TIGD3: variants seen among roughly 807,000 people sequenced by gnomAD.
The protein encoded by TIGD3 is tigger transposable element derived 3.
In TIGD3, 7 loss-of-function variants were observed where a neutral mutation model predicts 14.8. The ratio of observed to expected loss-of-function variants is 0.47; its 90% CI spans 0.27 to 0.89. The LOEUF is 0.89. Among genes scored for constraint, TIGD3 ranks in the 40% least tolerant of loss-of-function variants. The pLI is 0.13. For missense variants in TIGD3, 581 were observed against 611.0 expected, an observed-to-expected ratio of 0.95 and a Z score of 0.52; for synonymous variants, 243 against 269.4, an observed-to-expected ratio of 0.90 and a Z score of 0.96.
chr11:65,355,995 A>G lies in TIGD3; in HGVS notation c.187A>G (p.Thr63Ala), dbSNP rs1318395800. ...EKLLADWCSG[T>A]ANRERKRKRE... ...GCTGCTGGCGGACTGGTGCAGCGGC[A>G]CAGCCAACCGAGAGCGCAAGCGCAA... Residue 63 changes from threonine (T) to alanine (A), a missense_variant, in exon 2 of 2, where the codon ACA becomes GCA. Transcript: ENST00000309880. 3.7e-6 allele frequency: 6 copies of G among 1,613,664 alleles called. No homozygotes were observed. Among genetic ancestry groups the G allele is most frequent in the Non-Finnish European group, 4.2e-6 (5 of 1,180,042 alleles).
rs1449068574 is a variant in TIGD3, at chr11:65,355,952, CTGCAAGAATAAGGAGAAGCTGCTGGCGG to C, written c.145_172del (p.Cys49ThrfsTer40). On this transcript the variant is annotated frameshift_variant, in exon 2 of 2. Coordinates refer to ENST00000309880, the MANE Select transcript of TIGD3 (RefSeq NM_145719.3). LOFTEE classifies it high-confidence loss of function. Reference sequence around the variant, plus strand: ...TTTCCCAGCCCCAGATCTCGCGCATCTGCAAGAATAAGGAGAAGCTGCTGGCGGACTGGTGCAGCGGCACAGCCAACCG... The same window carrying C: ...TTTCCCAGCCCCAGATCTCGCGCATCACTGGTGCAGCGGCACAGCCAACCG... 6.2e-7 allele frequency: 1 copy of C among 1,613,956 alleles called. No homozygotes were observed.
chr11:65,356,155 A>G lies in TIGD3; in HGVS notation c.347A>G (p.Asp116Gly), dbSNP rs1006113239. 23 of 1,612,032 alleles carry G rather than the reference A, an allele frequency of 1.4e-5. No individual in the cohort carries two copies. The highest frequency in any genetic ancestry group is 1.9e-5 in the Non-Finnish European group (23 of 1,180,020). The change falls in exon 2 of 2, where the codon GAC becomes GGC. Residue 116 changes from aspartate to glycine, a missense_variant. Physicochemically the swap from Asp to Gly is moderately conservative, Grantham distance 94 (BLOSUM62 -1). Transcript: ENST00000309880. The surrounding 1 kb of genome is among the most constrained non-coding windows in gnomAD (Gnocchi z 5.2). ...AKELADIMGQDFVPSIGWLVR... is the reference protein window; with the variant it reads ...AKELADIMGQGFVPSIGWLVR... ...GAGCTGGCCGATATCATGGGCCAGG[A>G]CTTCGTGCCCAGCATCGGCTGGCTG...
rs756350364 is a variant in TIGD3, at chr11:65,355,841, C to T, written c.33C>T (p.Ala11=). The T allele has an allele frequency of 6.2e-7, 1 of 1,613,494 alleles. No individual in the cohort carries two copies. The change falls in exon 2 of 2, where the codon GCC becomes GCT. Residue 11 remains alanine (A), a synonymous_variant. Transcript: ENST00000309880. The part of the protein sequence containing the change: MELSSKKKLH[A]LSLAEKIQVL... ...TGAGCAGCAAGAAGAAGCTTCACGC[C>T]CTGTCCCTGGCCGAGAAGATCCAGG...
In TIGD3 at chr11:65,356,024, G is replaced by T. The variant is rs1854847120; in HGVS notation, c.216G>T (p.Arg72=). Residue 72 remains arginine, a synonymous_variant, in exon 2 of 2, where the codon CGG becomes CGT. Coordinates refer to ENST00000309880, the MANE Select transcript of TIGD3 (RefSeq NM_145719.3). The surrounding 1 kb of genome is among the most constrained non-coding windows in gnomAD (Gnocchi z 5.2). ...CCAACCGAGAGCGCAAGCGCAAGCG[G>T]GAGTCCAAGTACAGCGGGATCGACG... is the stretch of plus-strand genomic sequence containing the variant. ...GTANRERKRK[R]ESKYSGIDEA... 6.2e-7 allele frequency: 1 copy of T among 1,613,594 alleles called. No homozygotes were observed. The highest frequency in any genetic ancestry group is 1.1e-5 in the South Asian group (1 of 91,078).
Position 65,357,088 on chromosome 11 carries a change from C to G in TIGD3, c.1280C>G (p.Pro427Arg). The G allele has an allele frequency of 6.2e-7, 1 of 1,613,734 alleles. No homozygotes were observed. Among genetic ancestry groups the G allele is most frequent in the Non-Finnish European group, 8.5e-7 (1 of 1,179,788 alleles). ...EKGDREGAFE[P>R]LPTKADALRA... ...GGGGACAGAGAGGGTGCCTTTGAGC[C>G]CCTGCCCACCAAAGCTGATGCCCTC... The change falls in exon 2 of 2, where the codon CCC becomes CGC. Residue 427 changes from proline (P) to arginine (R), a missense_variant. Pro to Arg is a moderately radical substitution (Grantham distance 103). Coordinates refer to ENST00000309880, the MANE Select transcript of TIGD3 (RefSeq NM_145719.3).
chr11:65,356,027 G>A lies in TIGD3; in HGVS notation c.219G>A (p.Glu73=). 6.2e-7 allele frequency: 1 copy of A among 1,613,540 alleles called. No homozygotes were observed. Residue 73 remains glutamate (E), a synonymous_variant, in exon 2 of 2, where the codon GAG becomes GAA. Transcript: ENST00000309880. This position sits in a 1 kb window ranked among gnomAD's most constrained non-coding sequence, Gnocchi z 5.2. ...TANRERKRKR[E]SKYSGIDEAL... The stretch of plus-strand genomic sequence containing the variant: ...ACCGAGAGCGCAAGCGCAAGCGGGA[G>A]TCCAAGTACAGCGGGATCGACGAGG...
At position 65,355,799 on chromosome 11, in the gene TIGD3, C is replaced by T. The variant is rs199643454; in HGVS notation, c.-10C>T. 2 of 1,601,002 alleles carry T rather than the reference C, an allele frequency of 1.2e-6. No individual in the cohort carries two copies. Among genetic ancestry groups the T allele is most frequent in the African/African-American group, 1.3e-5 (1 of 74,372 alleles). On this transcript the variant is annotated 5_prime_UTR_variant, in exon 2 of 2. Transcript: ENST00000309880. ...ATCTTTCCTCCCCGCACAGGTGCCC[C>T]GGAGAGGCCATGGAGCTGAGCAGCA...
In TIGD3 at chr11:65,355,966, A is replaced by T; in HGVS notation, c.158A>T (p.Glu53Val). The change falls in exon 2 of 2, where the codon GAG (glutamate) becomes GTG (valine). Residue 53 changes from glutamate (E) to valine (V), a missense_variant. Transcript: ENST00000309880. Reference sequence around the variant, plus strand: ...ATCTCGCGCATCTGCAAGAATAAGGAGAAGCTGCTGGCGGACTGGTGCAGC... The same window carrying T: ...ATCTCGCGCATCTGCAAGAATAAGGTGAAGCTGCTGGCGGACTGGTGCAGC... Reference protein sequence around the residue: ...PQISRICKNKEKLLADWCSGT... With the variant: ...PQISRICKNKVKLLADWCSGT... 6.2e-7 allele frequency: 1 copy of T among 1,613,954 alleles called. No individual in the cohort carries two copies. Among genetic ancestry groups the T allele is most frequent in the Non-Finnish European group, 8.5e-7 (1 of 1,180,032 alleles).
At position 65,355,913 on chromosome 11, in the gene TIGD3, C is replaced by T. The variant is rs762446300; in HGVS notation, c.105C>T (p.Ala35=). 6.2e-7 allele frequency: 1 copy of T among 1,613,936 alleles called. No homozygotes were observed. Among genetic ancestry groups the T allele is most frequent in the Non-Finnish European group, 8.5e-7 (1 of 1,180,038 alleles). Residue 35 remains alanine (A), a synonymous_variant, in exon 2 of 2, where the codon GCC becomes GCT. Coordinates refer to ENST00000309880, the MANE Select transcript of TIGD3 (RefSeq NM_145719.3). ...CCAAGATGTCCCAGTCGGAGGTGGC[C>T]CGGCGCTTCCAGGTTTCCCAGCCCC... The part of the protein sequence containing the change: ...DESKMSQSEV[A]RRFQVSQPQI...
In TIGD3 at chr11:65,356,526, G is replaced by A; in HGVS notation, c.718G>A (p.Gly240Ser). The change falls in exon 2 of 2, where the codon GGC becomes AGC. Residue 240 changes from glycine (G) to serine (S), a missense_variant. Physicochemically the swap from Gly to Ser is moderately conservative, Grantham distance 56. Coordinates refer to ENST00000309880, the MANE Select transcript of TIGD3 (RefSeq NM_145719.3). The surrounding 1 kb of genome is among the most constrained non-coding windows in gnomAD (Gnocchi z 5.2). Reference protein sequence around the residue: ...ALPASYHPDLGIPWLEWLAQF... With the variant: ...ALPASYHPDLSIPWLEWLAQF... ...GCCTGCCTCCTACCACCCGGACCTG[G>A]GCATCCCCTGGTTAGAGTGGTTGGC... 1 of 1,606,922 alleles carries A rather than the reference G, an allele frequency of 6.2e-7. No homozygotes were observed. Among genetic ancestry groups the A allele is most frequent in the Non-Finnish European group, 8.5e-7 (1 of 1,179,948 alleles).
At chr11:65,355,557 C>T (rs1416244769) in intron 1 of TIGD3, among the ~76,000 whole-genome samples, 1 of 151,882 alleles carries the variant, frequency 6.6e-6, no homozygotes, top group Non-Finnish European at 1.5e-5. Context: ...CAGACCCCAG[C>T]CCAGACTCCC....
intron 1 of TIGD3, 49 bp from the exon 2 acceptor site, chr11:65,355,744 C>T: frequency 6.8e-7 from 1 of 1,480,692 alleles, no homozygotes; most frequent in South Asian, 1.3e-5. Flanking sequence ...TTTCCTAGCT[C>T]TTCCGGCCTC....
rs745854985 is a variant in TIGD3, at chr11:65,356,039, C to T, written c.231C>T (p.Ser77=). 2.5e-6 allele frequency: 4 copies of T among 1,613,004 alleles called. No individual in the cohort carries two copies. The highest frequency in any genetic ancestry group is 2.5e-6 in the Non-Finnish European group (3 of 1,180,014). ...AGCGCAAGCGGGAGTCCAAGTACAG[C>T]GGGATCGACGAGGCTCTGCTCTGCT... is the stretch of plus-strand genomic sequence containing the variant. ...ERKRKRESKY[S]GIDEALLCWY... is the part of the protein sequence containing the mutation. Residue 77 remains serine, a synonymous_variant, in exon 2 of 2, where the codon AGC becomes AGT. Coordinates refer to ENST00000309880, the MANE Select transcript of TIGD3 (RefSeq NM_145719.3). This position sits in a 1 kb window ranked among gnomAD's most constrained non-coding sequence, Gnocchi z 5.2.
At position 65,356,513 on chromosome 11, in the gene TIGD3, C is replaced by T; in HGVS notation, c.705C>T (p.Tyr235=). 1.2e-6 allele frequency: 2 copies of T among 1,606,800 alleles called. No individual in the cohort carries two copies. The highest frequency in any genetic ancestry group is 1.7e-6 in the Non-Finnish European group (2 of 1,179,956). ...GCAGTGAGGCTCTGCCTGCCTCCTA[C>T]CACCCGGACCTGGGCATCCCCTGGT... is the stretch of plus-strand genomic sequence containing the variant. The part of the protein sequence containing the change: ...GIRSEALPAS[Y]HPDLGIPWLE... Residue 235 remains tyrosine (Y), a synonymous_variant, in exon 2 of 2, where the codon TAC becomes TAT. Coordinates refer to ENST00000309880, the MANE Select transcript of TIGD3 (RefSeq NM_145719.3). The surrounding 1 kb of genome is among the most constrained non-coding windows in gnomAD (Gnocchi z 5.2).
In TIGD3 at chr11:65,356,801, C is replaced by A. The variant is rs1404727450; in HGVS notation, c.993C>A (p.Ala331=). 2 of 1,612,704 alleles carry A rather than the reference C, an allele frequency of 1.2e-6. No individual in the cohort carries two copies. The highest frequency in any genetic ancestry group is 4.5e-5 in the East Asian group (2 of 44,896). Residue 331 remains alanine (A), a synonymous_variant, in exon 2 of 2, where the codon GCC becomes GCA. Coordinates refer to ENST00000309880, the MANE Select transcript of TIGD3 (RefSeq NM_145719.3). The surrounding 1 kb of genome is among the most constrained non-coding windows in gnomAD (Gnocchi z 5.2). The part of the protein sequence containing the change: ...SERDGTSLAE[A]GAGITVLDAL... Reference sequence around the variant, plus strand: ...GGGATGGCACCTCGCTGGCCGAGGCCGGGGCAGGCATCACCGTGCTGGACG... The same window carrying A: ...GGGATGGCACCTCGCTGGCCGAGGCAGGGGCAGGCATCACCGTGCTGGACG...
In TIGD3 at chr11:65,356,915, A is replaced by G; in HGVS notation, c.1107A>G (p.Lys369=). The stretch of plus-strand genomic sequence containing the variant: ...TTCAAGAAGGGCTGGCTCCCGGCAA[A>G]ACGCCCCCGTCCTCGCACAAAACCT... The part of the protein sequence containing the change: ...SFIQEGLAPG[K]TPPSSHKTSE... Residue 369 remains lysine (K), a synonymous_variant, in exon 2 of 2, where the codon AAA becomes AAG. Transcript: ENST00000309880. This position sits in a 1 kb window ranked among gnomAD's most constrained non-coding sequence, Gnocchi z 5.2. The G allele has an allele frequency of 6.2e-7, 1 of 1,614,008 alleles. No individual in the cohort carries two copies. The highest frequency in any genetic ancestry group is 8.5e-7 in the Non-Finnish European group (1 of 1,180,022).
In TIGD3 at chr11:65,356,583, C is replaced by T. The variant is rs755420136; in HGVS notation, c.775C>T (p.Arg259Ter). 7 of 1,609,274 alleles carry T rather than the reference C, an allele frequency of 4.3e-6. No homozygotes were observed. The highest frequency in any genetic ancestry group is 1.3e-5 in the African/African-American group (1 of 74,930). Residue 259 changes from arginine (R) to a stop codon, truncating the protein, a stop_gained, in exon 2 of 2, where the codon CGA becomes TGA. Coordinates refer to ENST00000309880, the MANE Select transcript of TIGD3 (RefSeq NM_145719.3). LOFTEE classifies it low-confidence loss of function (END_TRUNC). This position sits in a 1 kb window ranked among gnomAD's most constrained non-coding sequence, Gnocchi z 5.2. ...TGACCGGGACATGGGACAGCAGGGC[C>T]GACAGGTGGCTTTGCTGCTGGCTGC... ...QFDRDMGQQG[R>*]QVALLLAARV...
intron 1 of TIGD3, among the ~76,000 whole-genome samples, 156 bp downstream of exon 1, chr11:65,355,113 C>T (rs1854829013): frequency 6.6e-6 from 1 of 151,694 alleles, no homozygotes; most frequent in Non-Finnish European, 1.5e-5. Flanking sequence ...CCCTCCCAGG[C>T]CACCACCCTC....
At chr11:65,355,753 T>C in intron 1 of TIGD3, 40 bp from the exon 2 acceptor site, 2 of 1,515,864 alleles carry the variant, frequency 1.3e-6, no homozygotes, top group Non-Finnish European at 1.8e-6. Flanking sequence ...TCTTCCGGCC[T>C]CAGATTACTC....
Sources: allele counts gnomAD v4.1 joint callset (sites outside exome capture counted in the v4.1 genomes callset), GRCh38; gene constraint gnomAD v4.1.1; non-coding constraint Gnocchi (gnomAD v3.1); transcripts MANE v1.5; gene names NCBI Gene and HGNC (gene_info 2026-07-23, HGNC 2026-07-21).